MIPOL1: variants seen among roughly 807,000 people sequenced by gnomAD.
The protein encoded by MIPOL1 is mirror-image polydactyly gene 1 protein.
MIPOL1 carries 57 observed loss-of-function variants against 60.9 expected under a neutral mutation model. The observed-to-expected ratio is 0.94, with a 90% CI of 0.76 to 1.17. The LOEUF is 1.17. Among genes scored for constraint, MIPOL1 ranks in the 50% most tolerant of loss-of-function variants. The pLI is 0.00. For missense variants in MIPOL1, 551 were observed against 511.6 expected (o/e 1.08, Z -0.74); for synonymous variants, 179 against 168.8 (o/e 1.06, Z -0.47).
intron 11 of MIPOL1, among the ~76,000 whole-genome samples, chr14:37,464,152 T>C (rs1258387515): frequency 1.3e-5 from 2 of 152,216 alleles, no homozygotes; most frequent in African/African-American, 2.4e-5. Context: ...TATACACTTT[T>C]CGTGGGAATG....
At chr14:37,544,605 C>T (rs957501037) in intron 12 of MIPOL1, among the ~76,000 whole-genome samples, 1 of 152,220 alleles carries the variant, frequency 6.6e-6, no homozygotes, top group African/African-American at 2.4e-5. Context: ...CACACGTCTA[C>T]CTTCCTGTTG....
Position 37,217,627 on chromosome 14 carries a change from C to T in MIPOL1, c.-199+19523C>T, listed in dbSNP as rs538751504. Among the ~76,000 whole-genome samples the T allele has an allele frequency of 8.7e-4, 133 of 152,056 alleles. 1 individual carries two copies. Among genetic ancestry groups the T allele is most frequent in the Non-Finnish European group, 8.1e-4 (55 of 68,024 alleles). On this transcript the variant is annotated intron_variant, in intron 1 of 12. Transcript: ENST00000684589. ...CAATGTGTACATCATATGAGCAGAA[C>T]GAAGGATAAAAACCATACAATCATT...
At chr14:37,245,476 G>A (rs1318259196) in intron 1 of MIPOL1, among the ~76,000 whole-genome samples, 1 of 152,072 alleles carries the variant, frequency 6.6e-6, no homozygotes, top group Non-Finnish European at 1.5e-5. Context: ...CAAGGGCAAA[G>A]CAAATGTGCT....
intron 9 of MIPOL1, among the ~76,000 whole-genome samples, chr14:37,350,093 A>G (rs2091244621): frequency 6.6e-6 from 1 of 152,168 alleles, no homozygotes; most frequent in African/African-American, 2.4e-5. Context: ...CTTTTCAGAA[A>G]CAGGGTCTCA....
intron 11 of MIPOL1, among the ~76,000 whole-genome samples, chr14:37,423,297 C>G (rs1453178289): frequency 1.3e-5 from 2 of 149,358 alleles, no homozygotes; most frequent in Non-Finnish European, 3.0e-5. Context: ...TACATTTATA[C>G]TTATACATAT....
At chr14:37,525,321 A>AAAGGACATCTT (rs2095440251) in intron 12 of MIPOL1, among the ~76,000 whole-genome samples, 1 of 152,140 alleles carries the variant, frequency 6.6e-6, no homozygotes. Flanking sequence ...GGACACTTAG[A>AAAGGACATCTT]AAGGACATCT....
chr14:37,209,052 T>G (rs1218544285), intron 1 of MIPOL1, among the ~76,000 whole-genome samples: 1 of 152,198 alleles, frequency 6.6e-6, no homozygotes, highest in African/African-American at 2.4e-5. Flanking sequence ...TAATACTACT[T>G]ATTAAACTGT....
chr14:37,549,955 A>G lies in MIPOL1; in HGVS notation c.*2984A>G, dbSNP rs896068688. The G allele has an allele frequency of 6.6e-6, 1 of 151,972 alleles. No individual in the cohort carries two copies. The highest frequency in any genetic ancestry group is 1.5e-5 in the Non-Finnish European group (1 of 67,844). The allele number at this position is 151,972 out of a possible 1,614,324, so 9.4% of individuals were successfully genotyped here. On this transcript the variant is annotated 3_prime_UTR_variant, in exon 13 of 13. Transcript: ENST00000684589. ...CTTCAAGGCTTGCTCTATCTCCTAG[A>G]GCAATTTAGAGCTAAAACCAGTAAT...
In MIPOL1 at chr14:37,469,989, A is replaced by T. The variant is rs1055019181; in HGVS notation, c.1032-29919A>T. 3.9e-5 allele frequency among the ~76,000 whole-genome samples: 6 copies of T among 152,328 alleles called. 1 individual carries two copies. Among genetic ancestry groups the T allele is most frequent in the Middle Eastern group, 6.8e-3 (2 of 294 alleles). On this transcript the variant is annotated intron_variant, in intron 11 of 12. Coordinates refer to ENST00000684589, the MANE Select transcript of MIPOL1 (RefSeq NM_001388067.1). Reference sequence around the variant, plus strand: ...GGAAAGAAATTGAAAGATGCAAAGGAGATTTATGTGTAAAACAGCATAATT... The same window carrying T: ...GGAAAGAAATTGAAAGATGCAAAGGTGATTTATGTGTAAAACAGCATAATT...
intron 10 of MIPOL1, among the ~76,000 whole-genome samples, chr14:37,390,502 G>T (rs1388382890): frequency 6.6e-6 from 1 of 151,972 alleles, no homozygotes. Flanking sequence ...GGCATTAGAT[G>T]ACAGGGACTT....
rs997361464 is a variant in MIPOL1 at position 37,247,221 on chromosome 14, C to T, written c.-80C>T. 3.3e-5 allele frequency: 5 copies of T among 152,166 alleles called. No individual in the cohort carries two copies. The highest frequency in any genetic ancestry group is 4.8e-5 in the African/African-American group (2 of 41,312). The allele number at this position is 152,166 out of a possible 1,614,324, so 9.4% of individuals were successfully genotyped here. On this transcript the variant is annotated 5_prime_UTR_variant, in exon 2 of 13. The change creates a new upstream start codon in the 5' untranslated region. Coordinates refer to ENST00000684589, the MANE Select transcript of MIPOL1 (RefSeq NM_001388067.1). ...CTTTATTTGAGGACTTTTTAAAGAA[C>T]GCTGGGTTCTATCTGTGAGGTAAAT...
chr14:37,537,263 A>T (rs144878237), intron 12 of MIPOL1, among the ~76,000 whole-genome samples: 1 of 152,264 alleles, frequency 6.6e-6, no homozygotes, highest in Non-Finnish European at 1.5e-5. Context: ...TCTAAGTATG[A>T]TATCCATGTA....
chr14:37,290,916 A>G (rs1328028371), intron 7 of MIPOL1, among the ~76,000 whole-genome samples: 1 of 152,042 alleles, frequency 6.6e-6, no homozygotes, highest in African/African-American at 2.4e-5. Context: ...GTATGTGTCC[A>G]TGTGTTCTCA....
intron 6 of MIPOL1, chr14:37,277,573 TA>T (rs911909134): frequency 2.6e-5 from 4 of 151,300 alleles, no homozygotes; most frequent in African/African-American, 9.7e-5. Context: ...GAGGGTTTTT[TA>T]AAAAATGCTT....
intron 11 of MIPOL1, among the ~76,000 whole-genome samples, chr14:37,498,489 C>T (rs933785538): frequency 2.0e-5 from 3 of 151,878 alleles, no homozygotes; most frequent in Admixed American, 2.0e-4. Context: ...GACAAGAATG[C>T]AGAAAGTGAG....
At chr14:37,478,363 G>T (rs2094809762) in intron 11 of MIPOL1, among the ~76,000 whole-genome samples, 1 of 152,112 alleles carries the variant, frequency 6.6e-6, no homozygotes, top group South Asian at 2.1e-4. Flanking sequence ...AACAGAAAAA[G>T]AATGGTATTA....
intron 11 of MIPOL1, among the ~76,000 whole-genome samples, chr14:37,487,752 C>A (rs149466826): frequency 6.6e-6 from 1 of 152,078 alleles, no homozygotes; most frequent in African/African-American, 2.4e-5. Flanking sequence ...GTCTGGCTAG[C>A]GGTCTATTTT....
At chr14:37,524,496 T>C (rs1489303799) in intron 12 of MIPOL1, among the ~76,000 whole-genome samples, 1 of 152,000 alleles carries the variant, frequency 6.6e-6, no homozygotes, top group Non-Finnish European at 1.5e-5. Flanking sequence ...ATTTCAGTAG[T>C]ATGTAAATTT....
chr14:37,298,439 A>G (rs921674807), intron 7 of MIPOL1, among the ~76,000 whole-genome samples: 2 of 152,244 alleles, frequency 1.3e-5, no homozygotes, highest in South Asian at 2.1e-4. Flanking sequence ...ACAAAAGCCA[A>G]AATTGACAAA....
Sources: allele counts gnomAD v4.1 joint callset (sites outside exome capture counted in the v4.1 genomes callset), GRCh38; gene constraint gnomAD v4.1.1; transcripts MANE v1.5; gene names NCBI Gene and HGNC (gene_info 2026-07-23, HGNC 2026-07-21).